The following NOX4 variants were observed in gnomAD, a reference collection of about 807,000 sequenced individuals.
NOX4 encodes the protein NADPH oxidase 4, also known as kidney oxidase-1.
A neutral mutation model predicts 87.6 loss-of-function variants in NOX4; 69 were observed. That is an observed-to-expected ratio of 0.79 (90% CI 0.65 to 0.96). The LOEUF (loss-of-function observed/expected upper bound fraction) is 0.96, where lower values mean the gene tolerates loss of function less well. Among genes scored for constraint, NOX4 ranks in the 40% least tolerant of loss-of-function variants. The pLI is 0.00. For missense variants in NOX4, 680 were observed against 681.5 expected, an observed-to-expected ratio of 1.00 and a Z score of 0.02; for synonymous variants, 275 against 238.2, an observed-to-expected ratio of 1.15 and a Z score of -1.42.
At chr11:89,401,268 A>T (rs144284830) in intron 9 of NOX4, among the ~76,000 whole-genome samples, 2,286 of 152,178 alleles carry the variant, frequency 0.015, 60 homozygotes, top group African/African-American at 0.051. Flanking sequence ...AAGGTCTGCA[A>T]TGTAGCAGCC....
chr11:89,494,866 C>A (rs925522584), upstream of NOX4, among the ~76,000 whole-genome samples: 2 of 152,186 alleles, frequency 1.3e-5, no homozygotes, highest in Middle Eastern at 3.2e-3. Flanking sequence ...AGAAATTTAT[C>A]GTCTCACAGT....
chr11:89,472,400 C>A (rs1483126678), intron 2 of NOX4, among the ~76,000 whole-genome samples: 1 of 151,634 alleles, frequency 6.6e-6, no homozygotes, highest in African/African-American at 2.4e-5. Flanking sequence ...AAGAAGCTAT[C>A]AATTCTAAAG....
chr11:89,585,390 C>T, the NOX4 span, among the ~76,000 whole-genome samples: 1 of 152,096 alleles, frequency 6.6e-6, no homozygotes, highest in Non-Finnish European at 1.5e-5. Context: ...TTTTCTAATT[C>T]CTTGCATTAA....
intron 12 of NOX4, among the ~76,000 whole-genome samples, chr11:89,368,773 T>C (rs1037021866): frequency 6.6e-6 from 1 of 152,014 alleles, no homozygotes; most frequent in East Asian, 1.9e-4. Context: ...ACTATCACTG[T>C]GAGTGATGGG....
chr11:89,428,168 C>T (rs1165081586), intron 7 of NOX4, among the ~76,000 whole-genome samples: 4 of 152,148 alleles, frequency 2.6e-5, no homozygotes, highest in Admixed American at 2.6e-4. Flanking sequence ...CAAGCAAATG[C>T]TGAGAGATTT....
chr11:89,443,866 G>A (rs191733384), intron 5 of NOX4: 92 of 328,532 alleles, frequency 2.8e-4, no homozygotes, highest in African/African-American at 1.9e-3. Flanking sequence ...AAAGCTGCTG[G>A]GAGTCAGAGG....
chr11:89,519,461 A>G, the NOX4 span, among the ~76,000 whole-genome samples: 2,258 of 152,154 alleles, frequency 0.015, 47 homozygotes, highest in African/African-American at 0.047. Flanking sequence ...TTAAAAACAT[A>G]TAAGAAGTAA....
intron 7 of NOX4, among the ~76,000 whole-genome samples, chr11:89,429,187 A>C (rs558635564): frequency 1.3e-4 from 20 of 152,194 alleles, no homozygotes; most frequent in Non-Finnish European, 2.4e-4. Context: ...ACATACCAGA[A>C]TCTCTGGGAC....
chr11:89,458,678 G>A (rs1043619291), intron 2 of NOX4, among the ~76,000 whole-genome samples: 4 of 152,018 alleles, frequency 2.6e-5, no homozygotes, highest in African/African-American at 9.7e-5. Flanking sequence ...AAGACATACA[G>A]CTGGCCAACA....
At chr11:89,471,419 A>C (rs1945934883) in intron 2 of NOX4, among the ~76,000 whole-genome samples, 2 of 152,208 alleles carry the variant, frequency 1.3e-5, no homozygotes, top group Admixed American at 1.3e-4. Flanking sequence ...CATGAACAAA[A>C]AGAGAAACCA....
chr11:89,524,149 G>A, the NOX4 span, among the ~76,000 whole-genome samples: 1 of 152,108 alleles, frequency 6.6e-6, no homozygotes, highest in Admixed American at 6.6e-5. Flanking sequence ...TTCTCCATAA[G>A]TTCTACCCTC....
At chr11:89,342,610 C>G (rs769967287) in intron 13 of NOX4, among the ~76,000 whole-genome samples, 3 of 152,002 alleles carry the variant, frequency 2.0e-5, no homozygotes, top group Non-Finnish European at 1.5e-5. Context: ...TAGATCAGTA[C>G]TGGAAATACT....
chr11:89,393,935 G>A (rs1354782736), intron 11 of NOX4, among the ~76,000 whole-genome samples: 1 of 152,116 alleles, frequency 6.6e-6, no homozygotes, highest in African/African-American at 2.4e-5. Flanking sequence ...TCTACCTCCA[G>A]TTCCTTTTCT....
upstream of NOX4, among the ~76,000 whole-genome samples, chr11:89,493,125 G>A (rs555275690): frequency 6.6e-6 from 1 of 152,168 alleles, no homozygotes; most frequent in Admixed American, 6.5e-5. Flanking sequence ...GGTGGCTCAC[G>A]CCTGTAATCC....
chr11:89,339,964 T>C (rs780173960), intron 15 of NOX4, 99 bp downstream of exon 15: 2 of 580,622 alleles, frequency 3.4e-6, no homozygotes, highest in Non-Finnish European at 3.0e-6. Flanking sequence ...ATAATTTCTA[T>C]GGTTTATTCT....
chr11:89,518,995 T>C, the NOX4 span, among the ~76,000 whole-genome samples: 3 of 152,066 alleles, frequency 2.0e-5, no homozygotes, highest in South Asian at 2.1e-4. Context: ...CTGCATTACA[T>C]TGCATTTATT....
At chr11:89,538,222 TC>T in the NOX4 span, among the ~76,000 whole-genome samples, 6 of 152,238 alleles carry the variant, frequency 3.9e-5, no homozygotes, top group Non-Finnish European at 8.8e-5. Flanking sequence ...ATTTGTTTGC[TC>T]TTCACAGCCT....
At chr11:89,441,444 T>C (rs1330545978) in intron 5 of NOX4, among the ~76,000 whole-genome samples, 1 of 152,198 alleles carries the variant, frequency 6.6e-6, no homozygotes, top group African/African-American at 2.4e-5. Context: ...TTTCTTTCTG[T>C]GTGCCTCCAT....
chr11:89,571,097 GT>G, the NOX4 span, among the ~76,000 whole-genome samples: 2 of 152,094 alleles, frequency 1.3e-5, no homozygotes, highest in Non-Finnish European at 2.9e-5. Context: ...AGAGTATTCA[GT>G]TTAGCCATTC....
Sources: allele counts gnomAD v4.1 joint callset (sites outside exome capture counted in the v4.1 genomes callset), GRCh38; gene constraint gnomAD v4.1.1; transcripts MANE v1.5; gene names NCBI Gene and HGNC (gene_info 2026-07-23, HGNC 2026-07-21).